The following TMEM200A variants were observed in gnomAD, a reference collection of about 807,000 sequenced individuals.
The protein encoded by TMEM200A is transmembrane protein 200A.
A neutral mutation model predicts 24.3 loss-of-function variants in TMEM200A; 12 were observed. That is an observed-to-expected ratio of 0.49 (90% CI 0.32 to 0.80). The LOEUF (loss-of-function observed/expected upper bound fraction) is 0.80. Ranked by LOEUF, TMEM200A falls within the 30% of genes least tolerant of loss-of-function variation. The pLI is 0.04. For synonymous variants in TMEM200A, 224 were observed against 224.4 expected (o/e 1.00, Z 0.02); for missense variants, 545 against 614.4 (o/e 0.89, Z 1.19).
chr6:130,384,062 G>A (rs1778660696), intron 1 of TMEM200A, among the ~76,000 whole-genome samples: 2 of 152,158 alleles, frequency 1.3e-5, no homozygotes, highest in African/African-American at 2.4e-5. Flanking sequence ...GGAGGTTGCA[G>A]TAAGCTGAGA....
chr6:130,366,178 A>T lies in TMEM200A; in HGVS notation c.-427A>T, dbSNP rs1778138367. On this transcript the variant is annotated 5_prime_UTR_variant, in exon 1 of 3. The change abolishes an upstream ATG in the 5' untranslated region. Coordinates refer to ENST00000296978, the MANE Select transcript of TMEM200A (RefSeq NM_001258277.2). The surrounding 1 kb of genome is among the most constrained non-coding windows in gnomAD (Gnocchi z 4.4). ...AGGCGCGCCTGGACTCTGCGCCCGG[A>T]TGGCGGCGGCCCTCTGTGAGCACCG... is the stretch of plus-strand genomic sequence containing the variant. The T allele has an allele frequency of 5.1e-6, 5 of 984,906 alleles. No homozygotes were observed. Among genetic ancestry groups the T allele is most frequent in the Admixed American group, 6.2e-5 (1 of 16,258 alleles). 61.0% of individuals were successfully genotyped at this position (984,906 alleles called of 1,614,324 possible). A position where few individuals can be genotyped will look rare whatever the true frequency, so the allele number is the denominator to read the frequency against.
At position 130,368,440 on chromosome 6, in the gene TMEM200A, G is replaced by T. The variant is rs146864220; in HGVS notation, c.-81+1916G>T. On this transcript the variant is annotated intron_variant, in intron 1 of 2. Coordinates refer to ENST00000296978, the MANE Select transcript of TMEM200A (RefSeq NM_001258277.2). ...ATACACGTTACTTATCAAATAGAGGGTAGAATTTAAAAGAGGAAAAATAAC... is the reference window on the plus strand; with the variant it reads ...ATACACGTTACTTATCAAATAGAGGTTAGAATTTAAAAGAGGAAAAATAAC... 1.0e-3 allele frequency among the ~76,000 whole-genome samples: 156 copies of T among 152,268 alleles called. 1 individual carries two copies. Among genetic ancestry groups the T allele is most frequent in the Middle Eastern group, 3.4e-3 (1 of 294 alleles).
At chr6:130,396,159 G>A (rs150263385) in intron 2 of TMEM200A, among the ~76,000 whole-genome samples, 8 of 152,148 alleles carry the variant, frequency 5.3e-5, no homozygotes, top group African/African-American at 7.2e-5. Flanking sequence ...TATCTATTAC[G>A]TTAGTATTTC....
At chr6:130,381,180 C>T (rs1265057791) in intron 1 of TMEM200A, among the ~76,000 whole-genome samples, 1 of 152,088 alleles carries the variant, frequency 6.6e-6, no homozygotes, top group Non-Finnish European at 1.5e-5. Context: ...AAGAAGCCTC[C>T]AGTCAGTCCT....
intron 1 of TMEM200A, among the ~76,000 whole-genome samples, chr6:130,381,235 A>G (rs1310000465): frequency 1.3e-5 from 2 of 152,178 alleles, no homozygotes; most frequent in Non-Finnish European, 2.9e-5. Flanking sequence ...AGGGGAACTT[A>G]TCAGTGGTCC....
chr6:130,415,958 T>C (rs1779439223), intron 2 of TMEM200A, among the ~76,000 whole-genome samples: 1 of 152,214 alleles, frequency 6.6e-6, no homozygotes, highest in Non-Finnish European at 1.5e-5. Context: ...TTCTAAATAT[T>C]GTGGCTTTTT....
At chr6:130,415,586 T>C (rs1265762114) in intron 2 of TMEM200A, among the ~76,000 whole-genome samples, 2 of 152,196 alleles carry the variant, frequency 1.3e-5, no homozygotes, top group Non-Finnish European at 2.9e-5. Context: ...GGGGTCTCTT[T>C]GAGCCCTACT....
intron 1 of TMEM200A, among the ~76,000 whole-genome samples, chr6:130,377,417 T>C (rs1310934293): frequency 6.6e-6 from 1 of 152,192 alleles, no homozygotes; most frequent in Non-Finnish European, 1.5e-5. Context: ...TTCCCTGTTC[T>C]CCTGCCCCAA....
In TMEM200A at chr6:130,366,489, G is replaced by C; in HGVS notation, c.-116G>C. ...GAGACCAGGACTGAGAACAGGGAGA[G>C]GCGACCCGACCCCCAGGGCCCGGTG... On this transcript the variant is annotated 5_prime_UTR_variant, in exon 1 of 3. Coordinates refer to ENST00000296978, the MANE Select transcript of TMEM200A (RefSeq NM_001258277.2). The surrounding 1 kb of genome is among the most constrained non-coding windows in gnomAD (Gnocchi z 4.4). 1 of 985,886 alleles carries C rather than the reference G, an allele frequency of 1.0e-6. No individual in the cohort carries two copies. The allele number at this position is 985,886 out of a possible 1,614,324, so 61.1% of individuals were successfully genotyped here.
chr6:130,403,024 A>G (rs1018615764), intron 2 of TMEM200A, among the ~76,000 whole-genome samples: 13 of 152,128 alleles, frequency 8.5e-5, no homozygotes, highest in African/African-American at 2.9e-4. Flanking sequence ...CCAAATCCTC[A>G]GTGGCATAAT....
chr6:130,413,515 C>A (rs933689938), intron 2 of TMEM200A, among the ~76,000 whole-genome samples: 1 of 152,072 alleles, frequency 6.6e-6, no homozygotes, highest in Non-Finnish European at 1.5e-5. Context: ...CACAGCCATC[C>A]CCCCCACTAG....
intron 2 of TMEM200A, among the ~76,000 whole-genome samples, chr6:130,393,299 T>G (rs1329297261): frequency 6.6e-6 from 1 of 152,200 alleles, no homozygotes; most frequent in East Asian, 1.9e-4. Flanking sequence ...GAATTTGATC[T>G]TGTAAGGGAG....
chr6:130,403,199 AT>A (rs1779127429), intron 2 of TMEM200A, among the ~76,000 whole-genome samples: 1 of 152,116 alleles, frequency 6.6e-6, no homozygotes, highest in Admixed American at 6.6e-5. Flanking sequence ...ATGATCACTA[AT>A]TACTAAATTG....
chr6:130,391,319 C>G (rs1394121951), intron 2 of TMEM200A, among the ~76,000 whole-genome samples: 2 of 152,094 alleles, frequency 1.3e-5, no homozygotes, highest in East Asian at 3.8e-4. Context: ...CAAGGACTCA[C>G]CATAACCTCA....
At chr6:130,419,529 TCTTA>T (rs1358413569) in intron 2 of TMEM200A, among the ~76,000 whole-genome samples, 4 of 152,208 alleles carry the variant, frequency 2.6e-5, no homozygotes, top group Non-Finnish European at 5.9e-5. Flanking sequence ...TAATTTACAT[TCTTA>T]CTGACAGTGT....
chr6:130,424,438 T>A (rs918905424), intron 2 of TMEM200A, among the ~76,000 whole-genome samples: 7 of 152,182 alleles, frequency 4.6e-5, no homozygotes, highest in African/African-American at 1.7e-4. Context: ...CTTCTCATTT[T>A]TCATACTTTC....
intron 2 of TMEM200A, chr6:130,421,215 A>G (rs1779576278): frequency 6.6e-6 from 1 of 152,090 alleles, no homozygotes; most frequent in South Asian, 2.1e-4. Context: ...TGGAACCATG[A>G]ATTTGCATTC....
At chr6:130,402,336 A>T (rs1372532325) in intron 2 of TMEM200A, among the ~76,000 whole-genome samples, 2 of 152,072 alleles carry the variant, frequency 1.3e-5, no homozygotes, top group Non-Finnish European at 2.9e-5. Flanking sequence ...TTCATGGAAA[A>T]TGGGAATCAG....
intron 1 of TMEM200A, among the ~76,000 whole-genome samples, chr6:130,375,109 A>T (rs1778419568): frequency 6.6e-6 from 1 of 152,226 alleles, no homozygotes; most frequent in Non-Finnish European, 1.5e-5. Flanking sequence ...AAGTTGAAGG[A>T]TATTATTCTA....
Sources: allele counts gnomAD v4.1 joint callset (sites outside exome capture counted in the v4.1 genomes callset), GRCh38; gene constraint gnomAD v4.1.1; non-coding constraint Gnocchi (gnomAD v3.1); transcripts MANE v1.5; gene names NCBI Gene and HGNC (gene_info 2026-07-23, HGNC 2026-07-21).